Variants in CD58 observed in about 807,000 individuals in gnomAD.
CD58 encodes lymphocyte function-associated antigen 3.
Under a neutral mutation model 27.6 loss-of-function variants are expected in CD58, and 14 were observed. The ratio of observed to expected loss-of-function variants is 0.51; its 90% CI spans 0.34 to 0.79. CD58 has a LOEUF of 0.79. CD58 is among the 30% of genes least tolerant of loss of function. The pLI is 0.02. For missense variants in CD58, 268 were observed against 301.7 expected (o/e 0.89, Z 0.83); for synonymous variants, 117 against 103.8 (o/e 1.13, Z -0.77).
intron 1 of CD58, among the ~76,000 whole-genome samples, chr1:116,555,888 CT>C (rs75923240): frequency 6.8e-4 from 101 of 147,756 alleles, no homozygotes; most frequent in Admixed American, 1.6e-3. Flanking sequence ...TTGACTGGTA[CT>C]TTTTTTTTTT....
chr1:116,533,308 T>G, intron 3 of CD58: 1 of 1,391,176 alleles, frequency 7.2e-7, no homozygotes, highest in East Asian at 2.3e-5. Context: ...GTTTTGACAG[T>G]AACATTCTTT....
At chr1:116,568,897 C>T (rs1449500552) in intron 1 of CD58, among the ~76,000 whole-genome samples, 1 of 152,212 alleles carries the variant, frequency 6.6e-6, no homozygotes, top group Admixed American at 6.5e-5. Context: ...TTGCAGCTTC[C>T]CTAATGAGGC....
rs1657135740 is a variant in CD58, at chr1:116,517,858, A to G, written c.743+1373T>C. Among the ~76,000 whole-genome samples, 1 of 152,142 alleles carries G rather than the reference A, an allele frequency of 6.6e-6. No homozygotes were observed. Among genetic ancestry groups the G allele is most frequent in the Non-Finnish European group, 1.5e-5 (1 of 68,022 alleles). ...AGCCAGGTAATACACCAGCACCCCA[A>G]AATCAACCTGTCAAAGCAAAAATTC... On this transcript the variant is annotated intron_variant, in intron 5 of 5. Coordinates refer to ENST00000369489, the MANE Select transcript of CD58 (RefSeq NM_001779.3). This position sits in a 1 kb window ranked among gnomAD's most constrained non-coding sequence, Gnocchi z 6.5.
chr1:116,565,938 C>A (rs955027221), intron 1 of CD58, among the ~76,000 whole-genome samples: 3 of 152,106 alleles, frequency 2.0e-5, no homozygotes, highest in African/African-American at 7.2e-5. Context: ...AGGATGGTCT[C>A]AATCTCCTGA....
Position 116,534,215 on chromosome 1 carries a change from G to T in CD58, c.628+1750C>A. 5.6e-6 allele frequency: 3 copies of T among 534,038 alleles called. No homozygotes were observed. The highest frequency in any genetic ancestry group is 6.7e-6 in the Non-Finnish European group (2 of 297,228). The allele number at this position is 534,038 out of a possible 1,614,324, so 33.1% of individuals were successfully genotyped here. A position where few individuals can be genotyped will look rare whatever the true frequency, so the allele number is the denominator to read the frequency against. On this transcript the variant is annotated intron_variant, in intron 3 of 5. Transcript: ENST00000369489. The surrounding 1 kb of genome is among the most constrained non-coding windows in gnomAD (Gnocchi z 5.3). ...GGCTCGCACCGCACAGCTCCCAACA[G>T]CTGAGATGCAATGCCAAGGACTTTC...
chr1:116,531,511 C>T lies in CD58; in HGVS notation c.628+4454G>A, dbSNP rs572182613. Among the ~76,000 whole-genome samples the T allele has an allele frequency of 1.6e-3, 242 of 152,218 alleles. No homozygotes were observed. Among genetic ancestry groups the T allele is most frequent in the Non-Finnish European group, 2.7e-3 (184 of 67,994 alleles). On this transcript the variant is annotated intron_variant, in intron 3 of 5. Transcript: ENST00000369489. This position sits in a 1 kb window ranked among gnomAD's most constrained non-coding sequence, Gnocchi z 4.5. ...AACTATCTGCTTTTACAACAAATTG[C>T]ATTTCCATATCGTATGCCTTGGGTA...
At position 116,532,244 on chromosome 1, in the gene CD58, T is replaced by C. The variant is rs1657636774; in HGVS notation, c.628+3721A>G. On this transcript the variant is annotated intron_variant, in intron 3 of 5. Coordinates refer to ENST00000369489, the MANE Select transcript of CD58 (RefSeq NM_001779.3). This position sits in a 1 kb window ranked among gnomAD's most constrained non-coding sequence, Gnocchi z 5.1. ...TCAGGTCACCAGGGTGGTTCAGAAA[T>C]GGCAAGGACGAGCGACAGCAAAAGG... 6.6e-6 allele frequency among the ~76,000 whole-genome samples: 1 copy of C among 152,026 alleles called. No homozygotes were observed. The highest frequency in any genetic ancestry group is 2.4e-5 in the African/African-American group (1 of 41,360).
At chr1:116,548,196 A>G (rs1658261677) in intron 1 of CD58, among the ~76,000 whole-genome samples, 1 of 152,170 alleles carries the variant, frequency 6.6e-6, no homozygotes, top group Non-Finnish European at 1.5e-5. Context: ...TAGATTCTGG[A>G]TATTGGTCCT....
intron 1 of CD58, among the ~76,000 whole-genome samples, chr1:116,564,239 C>T (rs907014020): frequency 6.6e-6 from 1 of 152,198 alleles, no homozygotes; most frequent in African/African-American, 2.4e-5. Context: ...CAGTTCCCAA[C>T]AATTGTTCCT....
At chr1:116,544,625 G>A in intron 1 of CD58, 21 bp from the exon 2 acceptor site, 1 of 1,530,448 alleles carries the variant, frequency 6.5e-7, no homozygotes, top group Non-Finnish European at 8.8e-7. Flanking sequence ...AAAAAAAATT[G>A]GTTAGAAAAA....
In CD58 at chr1:116,550,962, T is replaced by C. The variant is rs1658368030; in HGVS notation, c.71-6358A>G. ...AGCAATAATATACTGAAATGAATCT[T>C]TTTTTTCTAAGCAGTAAGTATTAAC... On this transcript the variant is annotated intron_variant, in intron 1 of 5. Coordinates refer to ENST00000369489, the MANE Select transcript of CD58 (RefSeq NM_001779.3). This position sits in a 1 kb window ranked among gnomAD's most constrained non-coding sequence, Gnocchi z 4.2. 6.6e-6 allele frequency among the ~76,000 whole-genome samples: 1 copy of C among 152,178 alleles called. No homozygotes were observed. Among genetic ancestry groups the C allele is most frequent in the Non-Finnish European group, 1.5e-5 (1 of 68,034 alleles).
Position 116,536,710 on chromosome 1 carries a change from C to A in CD58, c.365-482G>T, listed in dbSNP as rs1657821243. Among the ~76,000 whole-genome samples, 1 of 152,172 alleles carries A rather than the reference C, an allele frequency of 6.6e-6. No individual in the cohort carries two copies. On this transcript the variant is annotated intron_variant, in intron 2 of 5. Coordinates refer to ENST00000369489, the MANE Select transcript of CD58 (RefSeq NM_001779.3). The surrounding 1 kb of genome is among the most constrained non-coding windows in gnomAD (Gnocchi z 5.4). ...TCCCCAGCCATGTGGAACTGTGAGT[C>A]AATTAAACCTCTTTTCTTTATAAAT...
rs1267897495 is a variant in CD58, at chr1:116,515,735, C to T, written c.744-913G>A. 2.0e-5 allele frequency among the ~76,000 whole-genome samples: 3 copies of T among 152,176 alleles called. No homozygotes were observed. Among genetic ancestry groups the T allele is most frequent in the African/African-American group, 7.2e-5 (3 of 41,438 alleles). On this transcript the variant is annotated intron_variant, in intron 5 of 5. Coordinates refer to ENST00000369489, the MANE Select transcript of CD58 (RefSeq NM_001779.3). This position sits in a 1 kb window ranked among gnomAD's most constrained non-coding sequence, Gnocchi z 4.6. ...AATCTTTCTTCTCGGAGAAATAGGA[C>T]TCCCTGCTTCCTTTTTAATTTGGCT...
At chr1:116,533,963 G>C (rs1271699764) in intron 3 of CD58, 18 of 1,426,056 alleles carry the variant, frequency 1.3e-5, no homozygotes, top group Non-Finnish European at 1.8e-5. Context: ...TTGTCAAGTC[G>C]CTCCTGTAAA....
intron 1 of CD58, among the ~76,000 whole-genome samples, chr1:116,556,937 A>C (rs1399313990): frequency 6.6e-6 from 1 of 152,220 alleles, no homozygotes; most frequent in African/African-American, 2.4e-5. Context: ...AATTTTTCAA[A>C]AAAAGCCAGA....
intron 2 of CD58, among the ~76,000 whole-genome samples, chr1:116,542,996 C>T (rs1199373967): frequency 6.6e-6 from 1 of 152,126 alleles, no homozygotes; most frequent in African/African-American, 2.4e-5. Flanking sequence ...AGTGAACAGG[C>T]TAGGAAATAC....
chr1:116,556,473 G>A (rs558507352), intron 1 of CD58, among the ~76,000 whole-genome samples: 1 of 152,226 alleles, frequency 6.6e-6, no homozygotes, highest in African/African-American at 2.4e-5. Flanking sequence ...TAAAGATAGT[G>A]ACATGATGCA....
intron 5 of CD58, among the ~76,000 whole-genome samples, chr1:116,518,409 C>T (rs982195976): frequency 2.0e-5 from 3 of 152,006 alleles, no homozygotes; most frequent in Non-Finnish European, 4.4e-5. Flanking sequence ...CATGCTTTGC[C>T]AGCAGAGTGA....
In CD58 at chr1:116,533,499, G is replaced by A. The variant is rs1657686465; in HGVS notation, c.628+2466C>T. Reference sequence around the variant, plus strand: ...ATATGAAAGACATAGGCTGTCCAGGGTCAGAAAACTTCACTTTAATATCCT... The same window carrying A: ...ATATGAAAGACATAGGCTGTCCAGGATCAGAAAACTTCACTTTAATATCCT... On this transcript the variant is annotated intron_variant, in intron 3 of 5. Coordinates refer to ENST00000369489, the MANE Select transcript of CD58 (RefSeq NM_001779.3). 9.5e-6 allele frequency: 7 copies of A among 735,506 alleles called. 1 individual carries two copies. The highest frequency in any genetic ancestry group is 5.4e-5 in the South Asian group (4 of 73,886). 45.6% of individuals were successfully genotyped at this position (735,506 alleles called of 1,614,324 possible).
Sources: gnomAD v4.1 joint callset for allele counts (sites outside exome capture counted in the v4.1 genomes callset) on GRCh38, gnomAD v4.1.1 for gene constraint, Gnocchi (gnomAD v3.1) non-coding constraint, MANE v1.5 for transcripts, NCBI Gene and HGNC (gene_info 2026-07-23, HGNC 2026-07-21) for gene names.